Variants in SLC24A4 observed in about 807,000 individuals in gnomAD.
SLC24A4 encodes solute carrier family 24 member 4, also known as sodium/potassium/calcium exchanger 4.
SLC24A4 carries 53 observed loss-of-function variants against 79.0 expected under a neutral mutation model. The ratio of observed to expected loss-of-function variants is 0.67; its 90% confidence interval spans 0.54 to 0.84. SLC24A4 has a LOEUF of 0.84. Ranked by LOEUF, SLC24A4 falls within the 40% of genes least tolerant of loss-of-function variation. The pLI is 0.00. For missense variants in SLC24A4, 731 were observed against 822.0 expected (o/e 0.89, Z 1.35); for synonymous variants, 323 against 323.8 (o/e 1.00, Z 0.03).
intron 2 of SLC24A4, among the ~76,000 whole-genome samples, chr14:92,365,441 G>A (rs1025061016): frequency 7.2e-5 from 11 of 152,296 alleles, no homozygotes; most frequent in African/African-American, 1.9e-4. Context: ...CAGCCCAGGA[G>A]GGCTTAGGTG....
At chr14:92,378,191 G>A (rs893860991) in intron 2 of SLC24A4, among the ~76,000 whole-genome samples, 4 of 152,182 alleles carry the variant, frequency 2.6e-5, no homozygotes, top group Admixed American at 6.5e-5. Flanking sequence ...TGGCTTGTCA[G>A]CTCAACTATT....
intron 2 of SLC24A4, among the ~76,000 whole-genome samples, chr14:92,363,191 G>T (rs904953175): frequency 6.6e-6 from 1 of 152,174 alleles, no homozygotes; most frequent in African/African-American, 2.4e-5. Context: ...CCCGTGCCTC[G>T]AGGACCAGCC....
At chr14:92,447,642 C>T (rs575266920) in intron 9 of SLC24A4, among the ~76,000 whole-genome samples, 6 of 152,322 alleles carry the variant, frequency 3.9e-5, no homozygotes, top group African/African-American at 4.8e-5. Context: ...AGGGGAGTCA[C>T]GCTGGTGGCT....
intron 2 of SLC24A4, among the ~76,000 whole-genome samples, chr14:92,344,817 G>A (rs1221375759): frequency 1.3e-5 from 2 of 152,160 alleles, no homozygotes; most frequent in Non-Finnish European, 2.9e-5. Flanking sequence ...GTTCTGTTGG[G>A]CCCTCCACAA....
At chr14:92,403,625 TCTGAGAGGACTGG>T (rs919642219) in intron 2 of SLC24A4, among the ~76,000 whole-genome samples, 1 of 147,140 alleles carries the variant, frequency 6.8e-6, no homozygotes, top group Non-Finnish European at 1.5e-5. Flanking sequence ...AAAAAAAAGC[TCTGAGAGGACTGG>T]CTGAGGCTTG....
intron 10 of SLC24A4, chr14:92,452,886 G>A (rs1161480709): frequency 6.6e-6 from 1 of 152,166 alleles, no homozygotes; most frequent in Admixed American, 6.5e-5. Context: ...CTCTTACACG[G>A]GTTTGCTCTC....
chr14:92,449,921 C>T (rs986948952), intron 10 of SLC24A4, among the ~76,000 whole-genome samples: 4 of 152,238 alleles, frequency 2.6e-5, no homozygotes, highest in African/African-American at 9.6e-5. Flanking sequence ...TGGGCCTGAC[C>T]GATGGCTTCC....
intron 2 of SLC24A4, among the ~76,000 whole-genome samples, chr14:92,392,997 G>A (rs530968403): frequency 4.3e-4 from 59 of 136,078 alleles, no homozygotes; most frequent in African/African-American, 1.4e-3. Flanking sequence ...GTGAGGTCAC[G>A]TGGGAGGCGC....
chr14:92,425,698 CCTATATGCAGTGG>C (rs1891526712), intron 2 of SLC24A4, among the ~76,000 whole-genome samples: 1 of 152,104 alleles, frequency 6.6e-6, no homozygotes, highest in Non-Finnish European at 1.5e-5. Context: ...AGGGGTTACA[CCTATATGCAGTGG>C]CTCACACCTG....
chr14:92,392,781 C>T lies in SLC24A4; in HGVS notation c.242-41131C>T, dbSNP rs151120149. Among the ~76,000 whole-genome samples, 315 of 152,306 alleles carry T rather than the reference C, an allele frequency of 2.1e-3. 1 individual carries two copies. Among genetic ancestry groups the T allele is most frequent in the African/African-American group, 7.0e-3 (289 of 41,568 alleles). On this transcript the variant is annotated intron_variant, in intron 2 of 16. Transcript: ENST00000532405. ...AAGCCCCGAGGAAGCCCGTTTGCCT[C>T]TTCCACTGTGTGAGGTCACATGGGA...
At chr14:92,393,545 CTTTTTTTTTTTTT>C (rs5810597) in intron 2 of SLC24A4, among the ~76,000 whole-genome samples, 2 of 112,500 alleles carry the variant, frequency 1.8e-5, no homozygotes, top group Non-Finnish European at 3.5e-5. Flanking sequence ...AAGACACACT[CTTTTTTTTTTTTT>C]TTTTTTTTAC....
intron 14 of SLC24A4, among the ~76,000 whole-genome samples, chr14:92,487,190 T>C (rs1313235639): frequency 6.6e-6 from 1 of 152,168 alleles, no homozygotes. Context: ...CTCTAGAACG[T>C]GTATAATGTT....
chr14:92,449,269 T>C (rs1334905544), intron 10 of SLC24A4, 53 bp downstream of exon 10: 8 of 1,574,738 alleles, frequency 5.1e-6, no homozygotes, highest in Non-Finnish European at 6.9e-6. Flanking sequence ...AGCCACTCTC[T>C]CCTCTTTTGT....
rs925122110 is a variant in SLC24A4, at chr14:92,497,884, G to C, written c.*4256G>C. On this transcript the variant is annotated 3_prime_UTR_variant, in exon 17 of 17. Transcript: ENST00000532405. Reference sequence around the variant, plus strand: ...AATGCGTGTGGCTCAAATAAACAAAGAACTTACCTGTTAGAGTGAAAATCC... The same window carrying C: ...AATGCGTGTGGCTCAAATAAACAAACAACTTACCTGTTAGAGTGAAAATCC... 1 of 152,198 alleles carries C rather than the reference G, an allele frequency of 6.6e-6. No individual in the cohort carries two copies. The highest frequency in any genetic ancestry group is 2.4e-5 in the African/African-American group (1 of 41,424). 9.4% of individuals were successfully genotyped at this position (152,198 alleles called of 1,614,324 possible).
At chr14:92,430,222 G>A (rs1891787613) in intron 2 of SLC24A4, among the ~76,000 whole-genome samples, 1 of 152,178 alleles carries the variant, frequency 6.6e-6, no homozygotes, top group Admixed American at 6.5e-5. Flanking sequence ...GGCGCTCAGG[G>A]TCCGTCAGGG....
rs1889894253 is a variant in SLC24A4 at position 92,398,285 on chromosome 14, A to G, written c.242-35627A>G. ...CTAAGGATGCCCTTATCTTCGGAGC[A>G]GTAGAGGTCACCGAGGGCTTCTGAG... On this transcript the variant is annotated intron_variant, in intron 2 of 16. Transcript: ENST00000532405. The surrounding 1 kb of genome is among the most constrained non-coding windows in gnomAD (Gnocchi z 4.1). 6.6e-6 allele frequency among the ~76,000 whole-genome samples: 1 copy of G among 152,200 alleles called. No homozygotes were observed. The highest frequency in any genetic ancestry group is 2.4e-5 in the African/African-American group (1 of 41,448).
intron 2 of SLC24A4, among the ~76,000 whole-genome samples, chr14:92,335,235 G>T (rs1330802196): frequency 2.0e-5 from 3 of 152,090 alleles, no homozygotes; most frequent in Non-Finnish European, 4.4e-5. Context: ...TTGTATTAGT[G>T]GGTGTATTTG....
intron 12 of SLC24A4, chr14:92,457,408 A>G (rs1212672176): frequency 6.5e-6 from 1 of 152,716 alleles, no homozygotes; most frequent in Non-Finnish European, 1.5e-5. Context: ...CTCTGCTTAA[A>G]TGTCACCTTT....
chr14:92,414,315 G>A (rs1395455361), intron 2 of SLC24A4, among the ~76,000 whole-genome samples: 1 of 152,118 alleles, frequency 6.6e-6, no homozygotes, highest in Non-Finnish European at 1.5e-5. Context: ...GGTAGGGGTA[G>A]GGGGTGAGGG....
Sources: gnomAD v4.1 joint callset for allele counts (sites outside exome capture counted in the v4.1 genomes callset) on GRCh38, gnomAD v4.1.1 for gene constraint, Gnocchi (gnomAD v3.1) non-coding constraint, MANE v1.5 for transcripts, NCBI Gene and HGNC (gene_info 2026-07-23, HGNC 2026-07-21) for gene names.